The following CCSER2 variants were observed in gnomAD, a reference collection of about 807,000 sequenced individuals.
CCSER2 encodes coiled-coil serine rich protein 2, also known as serine-rich coiled-coil domain-containing protein 2.
CCSER2 carries 46 observed loss-of-function variants against 92.3 expected under a neutral mutation model. The observed-to-expected ratio is 0.50, with a 90% CI of 0.39 to 0.64. The LOEUF is 0.64. Among genes scored for constraint, CCSER2 ranks in the 30% least tolerant of loss-of-function variants. The pLI is 0.00. For synonymous variants in CCSER2, 433 were observed against 431.4 expected, an observed-to-expected ratio of 1.00 and a Z score of -0.04; for missense variants, 1,244 against 1,238.9, an observed-to-expected ratio of 1.00 and a Z score of -0.06.
chr10:84,391,134 T>G, intron 3 of CCSER2: 1 of 783,550 alleles, frequency 1.3e-6, no homozygotes, highest in Non-Finnish European at 2.4e-6. Flanking sequence ...AAGATAAGGA[T>G]CTCTTCCCTT....
intron 3 of CCSER2, among the ~76,000 whole-genome samples, chr10:84,381,882 C>T (rs1840925692): frequency 6.9e-6 from 1 of 145,588 alleles, no homozygotes; most frequent in South Asian, 2.2e-4. Context: ...CAGATCATGC[C>T]ACACTCCAGC....
At chr10:84,405,516 G>GT (rs1179355998) in intron 3 of CCSER2, among the ~76,000 whole-genome samples, 1 of 152,072 alleles carries the variant, frequency 6.6e-6, no homozygotes, top group African/African-American at 2.4e-5. Context: ...ACAATAAAAA[G>GT]TTAAATTACA....
intron 3 of CCSER2, among the ~76,000 whole-genome samples, chr10:84,406,956 A>C (rs111962350): frequency 1.8e-4 from 28 of 152,218 alleles, no homozygotes; most frequent in Non-Finnish European, 2.9e-4. Flanking sequence ...CTGTGATGTC[A>C]CTCTTCTCAA....
At position 84,514,068 on chromosome 10, in the gene CCSER2, G is replaced by T. The variant is rs1564740954; in HGVS notation, c.2945G>T (p.Arg982Leu). ...NNQNLKASKL[R>L]PPSGSFKQKQ... is the part of the protein sequence containing the mutation. ...CAGAATCTGAAAGCATCTAAGCTCC[G>T]CCCCCCCTCAGGCTCTTTCAAACAA... Residue 982 changes from arginine to leucine, a missense_variant, in exon 10 of 10, where the codon CGC (arginine) becomes CTC (leucine). Physicochemically the swap from Arg to Leu is moderately radical, Grantham distance 102 (BLOSUM62 -2). Coordinates refer to ENST00000372088, the MANE Select transcript of CCSER2 (RefSeq NM_001284240.2). The T allele has an allele frequency of 6.5e-7, 1 of 1,535,920 alleles. No homozygotes were observed. The highest frequency in any genetic ancestry group is 2.0e-5 in the Admixed American group (1 of 50,936).
intron 5 of CCSER2, among the ~76,000 whole-genome samples, chr10:84,436,840 G>A (rs1349853170): frequency 1.3e-5 from 2 of 152,094 alleles, no homozygotes; most frequent in Non-Finnish European, 2.9e-5. Context: ...AAATAATCTT[G>A]TAAAAATCGA....
At chr10:84,458,380 T>C (rs548229301) in intron 6 of CCSER2, among the ~76,000 whole-genome samples, 118 of 152,206 alleles carry the variant, frequency 7.8e-4, no homozygotes, top group Non-Finnish European at 1.5e-3. Context: ...TGGACTCTTT[T>C]CTTTCCATTG....
intron 7 of CCSER2, among the ~76,000 whole-genome samples, chr10:84,466,766 G>A (rs1215935296): frequency 2.0e-5 from 3 of 151,944 alleles, no homozygotes; most frequent in Non-Finnish European, 4.4e-5. Flanking sequence ...GTCCGCCTCG[G>A]CCTCCCAAAG....
At chr10:84,429,592 G>A (rs1240312324) in intron 5 of CCSER2, among the ~76,000 whole-genome samples, 1 of 150,526 alleles carries the variant, frequency 6.6e-6, no homozygotes, top group Admixed American at 6.6e-5. Flanking sequence ...CACATGATGA[G>A]TCCCCCCGCC....
chr10:84,404,525 T>C (rs576353927), intron 3 of CCSER2, among the ~76,000 whole-genome samples: 1 of 152,320 alleles, frequency 6.6e-6, no homozygotes, highest in South Asian at 2.1e-4. Flanking sequence ...TCACACTAAA[T>C]GAAATTAGTG....
At chr10:84,349,656 T>G (rs1019412844) in intron 1 of CCSER2, among the ~76,000 whole-genome samples, 1 of 152,058 alleles carries the variant, frequency 6.6e-6, no homozygotes, top group African/African-American at 2.4e-5. Flanking sequence ...TACTCCAGAG[T>G]GGGACGACAG....
At position 84,514,083 on chromosome 10, in the gene CCSER2, C is replaced by G; in HGVS notation, c.2960C>G (p.Ser987Cys). 6.5e-7 allele frequency: 1 copy of G among 1,536,214 alleles called. No homozygotes were observed. Among genetic ancestry groups the G allele is most frequent in the Non-Finnish European group, 8.7e-7 (1 of 1,146,942 alleles). The change falls in exon 10 of 10, where the codon TCT becomes TGT. Residue 987 changes from serine to cysteine, a missense_variant. Physicochemically the swap from Ser to Cys is moderately radical, Grantham distance 112 (BLOSUM62 -1). Coordinates refer to ENST00000372088, the MANE Select transcript of CCSER2 (RefSeq NM_001284240.2). ...KASKLRPPSGSFKQKQTNSPQ... is the reference protein window; with the variant it reads ...KASKLRPPSGCFKQKQTNSPQ... ...TCTAAGCTCCGCCCCCCCTCAGGCT[C>G]TTTCAAACAAAAACAAACAAACAGC...
chr10:84,335,574 C>T (rs1325323601), intron 1 of CCSER2, among the ~76,000 whole-genome samples: 1 of 152,068 alleles, frequency 6.6e-6, no homozygotes, highest in Non-Finnish European at 1.5e-5. Flanking sequence ...AAATTAAATT[C>T]CAGTCCTGTT....
At chr10:84,391,819 G>A in intron 3 of CCSER2, 2 of 1,563,206 alleles carry the variant, frequency 1.3e-6, no homozygotes, top group African/African-American at 1.4e-5. Context: ...AGCATTCCGT[G>A]GAATTTGTAC....
At chr10:84,359,324 G>A (rs1459670460) in intron 1 of CCSER2, among the ~76,000 whole-genome samples, 1 of 152,118 alleles carries the variant, frequency 6.6e-6, no homozygotes. Flanking sequence ...AGAATGGAAT[G>A]TAAAAAATGT....
chr10:84,417,859 A>G lies in CCSER2; in HGVS notation c.1703A>G (p.Asn568Ser). Residue 568 changes from asparagine (N) to serine (S), a missense_variant and splice_region_variant, in exon 4 of 10, where the codon AAT (asparagine) becomes AGT (serine). By Grantham distance (46) the Asn-to-Ser change is conservative. Coordinates refer to ENST00000372088, the MANE Select transcript of CCSER2 (RefSeq NM_001284240.2). ...CTGCCTGAGGATGCACCTCTTGAAA[A>G]TGGTAAGTTGAGACAATATTGAACC... ...VDLPEDAPLENVECDNMNRFD... is the reference protein window; with the variant it reads ...VDLPEDAPLESVECDNMNRFD... The G allele has an allele frequency of 6.6e-7, 1 of 1,521,020 alleles. No individual in the cohort carries two copies. Among genetic ancestry groups the G allele is most frequent in the Non-Finnish European group, 9.1e-7 (1 of 1,095,362 alleles). 94.2% of individuals were successfully genotyped at this position (1,521,020 alleles called of 1,614,324 possible).
Position 84,463,918 on chromosome 10 carries a change from C to G in CCSER2, c.2065-15C>G. 1 of 1,567,936 alleles carries G rather than the reference C, an allele frequency of 6.4e-7. No individual in the cohort carries two copies. The highest frequency in any genetic ancestry group is 8.8e-7 in the Non-Finnish European group (1 of 1,139,414). ...CTATATTAATCTAGTGTTTTTCTTC[C>G]CTTCTTTCTGACAGCATGATGGAAG... On this transcript the variant is annotated splice_polypyrimidine_tract_variant and intron_variant, in intron 6 of 9. Transcript: ENST00000372088.
At chr10:84,425,633 T>C in intron 4 of CCSER2, 98 bp from the exon 5 acceptor site, 2 of 780,950 alleles carry the variant, frequency 2.6e-6, no homozygotes, top group Non-Finnish European at 3.7e-6. Context: ...TAAACTATTA[T>C]TTTTATTTGA....
chr10:84,456,992 G>A (rs1325226400), intron 6 of CCSER2, among the ~76,000 whole-genome samples: 2 of 150,910 alleles, frequency 1.3e-5, no homozygotes, highest in Admixed American at 1.3e-4. Flanking sequence ...TGTAAGTGAT[G>A]AAACAAATGG....
intron 1 of CCSER2, among the ~76,000 whole-genome samples, chr10:84,345,692 A>C (rs1844437318): frequency 1.3e-5 from 2 of 152,210 alleles, no homozygotes; most frequent in Non-Finnish European, 2.9e-5. Flanking sequence ...TTGTCACTGA[A>C]GTGTTCCTTA....
Sources: gnomAD v4.1 joint callset for allele counts (sites outside exome capture counted in the v4.1 genomes callset) on GRCh38, gnomAD v4.1.1 for gene constraint, MANE v1.5 for transcripts, NCBI Gene and HGNC (gene_info 2026-07-23, HGNC 2026-07-21) for gene names.